The following LINGO2 variants were observed in gnomAD, a reference collection of about 807,000 sequenced individuals.
The protein encoded by LINGO2 is leucine rich repeat and Ig domain containing 2, also known as leucine-rich repeat and immunoglobulin-like domain-containing nogo receptor-interacting protein 2.
LINGO2 carries 14 observed loss-of-function variants against 30.6 expected under a neutral mutation model. That is an observed-to-expected ratio of 0.46 (90% CI 0.30 to 0.72). LINGO2 has a LOEUF of 0.72. Ranked by LOEUF, LINGO2 falls within the 30% of genes least tolerant of loss-of-function variation. The pLI is 0.07. For synonymous variants in LINGO2, 317 were observed against 288.5 expected, an observed-to-expected ratio of 1.10 and a Z score of -1.00; for missense variants, 729 against 751.7, an observed-to-expected ratio of 0.97 and a Z score of 0.35.
chr9:28,497,820 G>T (rs1332938927), intron 1 of LINGO2, among the ~76,000 whole-genome samples: 2 of 152,152 alleles, frequency 1.3e-5, no homozygotes, highest in Admixed American at 1.3e-4. Context: ...TGATGGTGAT[G>T]TACAGATGGG....
the LINGO2 span, among the ~76,000 whole-genome samples, chr9:28,898,529 T>C: frequency 3.3e-5 from 5 of 152,304 alleles, no homozygotes; most frequent in Admixed American, 3.3e-4. Flanking sequence ...CCAGATTTTA[T>C]TTTTTCTATC....
At chr9:28,493,999 T>C (rs1443018500) in intron 1 of LINGO2, among the ~76,000 whole-genome samples, 1 of 152,114 alleles carries the variant, frequency 6.6e-6, no homozygotes, top group African/African-American at 2.4e-5. Flanking sequence ...GTGAGTCAAT[T>C]CTTCTTAATT....
rs1824156894 is a variant in LINGO2, at chr9:28,040,583, GT to G, written c.-86-28179del. Among the ~76,000 whole-genome samples the G allele has an allele frequency of 8.5e-5, 13 of 152,102 alleles. No individual in the cohort carries two copies. The South Asian group carries it at 2.5e-3, about 29-fold the overall frequency. On this transcript the variant is annotated intron_variant, in intron 4 of 5. Coordinates refer to ENST00000379992, the Ensembl canonical transcript of LINGO2. ...AATAGAGATTTATAATAAATCCATT[GT>G]TCCAATACTAACTGAGCGCTATCAA...
At chr9:28,934,795 C>G in the LINGO2 span, among the ~76,000 whole-genome samples, 195 of 152,208 alleles carry the variant, frequency 1.3e-3, 1 homozygote, top group Admixed American at 3.9e-3. Context: ...TCTAAAATTG[C>G]TTCAATTTCC....
chr9:29,066,520 A>G, the LINGO2 span, among the ~76,000 whole-genome samples: 1 of 151,938 alleles, frequency 6.6e-6, no homozygotes, highest in African/African-American at 2.4e-5. Flanking sequence ...GTGGCACCCT[A>G]GAGATAACAG....
At chr9:28,909,199 C>T in the LINGO2 span, among the ~76,000 whole-genome samples, 1 of 151,796 alleles carries the variant, frequency 6.6e-6, no homozygotes, top group South Asian at 2.1e-4. Context: ...CTTTTCACAG[C>T]CAGACATGCA....
chr9:28,737,932 A>T, the LINGO2 span, among the ~76,000 whole-genome samples: 1 of 152,104 alleles, frequency 6.6e-6, no homozygotes, highest in African/African-American at 2.4e-5. Flanking sequence ...TTAATGGACA[A>T]TTGCCGCTAG....
intron 1 of LINGO2, among the ~76,000 whole-genome samples, chr9:28,606,279 A>G (rs1314870914): frequency 6.6e-6 from 1 of 152,032 alleles, no homozygotes; most frequent in Non-Finnish European, 1.5e-5. Context: ...AGCTACTATA[A>G]TACTTTTAAT....
At chr9:28,589,646 A>T (rs1824765055) in intron 1 of LINGO2, among the ~76,000 whole-genome samples, 1 of 152,094 alleles carries the variant, frequency 6.6e-6, no homozygotes, top group Non-Finnish European at 1.5e-5. Flanking sequence ...TCAATGAAAT[A>T]AAAGAGGATA....
At chr9:28,050,381 A>T (rs1320180833) in intron 4 of LINGO2, among the ~76,000 whole-genome samples, 1 of 150,766 alleles carries the variant, frequency 6.6e-6, no homozygotes, top group South Asian at 2.1e-4. Flanking sequence ...AAAATATTTA[A>T]TATCTAATCA....
At chr9:28,341,360 T>C (rs1022227298) in intron 3 of LINGO2, among the ~76,000 whole-genome samples, 2 of 152,184 alleles carry the variant, frequency 1.3e-5, no homozygotes, top group Admixed American at 6.5e-5. Flanking sequence ...TGTTATATTA[T>C]GTTTTACTAT....
At chr9:28,144,372 G>C (rs1827756090) in intron 4 of LINGO2, among the ~76,000 whole-genome samples, 1 of 152,082 alleles carries the variant, frequency 6.6e-6, no homozygotes, top group African/African-American at 2.4e-5. Context: ...AAATTACCAA[G>C]ATCTATACTA....
the LINGO2 span, among the ~76,000 whole-genome samples, chr9:29,075,948 G>A: frequency 6.6e-6 from 1 of 151,976 alleles, no homozygotes; most frequent in Non-Finnish European, 1.5e-5. Flanking sequence ...ATGCAATGGT[G>A]CAATCAACAG....
chr9:28,174,662 T>C (rs937757134), intron 4 of LINGO2, among the ~76,000 whole-genome samples: 1 of 152,218 alleles, frequency 6.6e-6, no homozygotes, highest in African/African-American at 2.4e-5. Flanking sequence ...CATTGTACCC[T>C]GTACTACCAT....
chr9:29,088,079 T>C, the LINGO2 span, among the ~76,000 whole-genome samples: 1 of 152,160 alleles, frequency 6.6e-6, no homozygotes, highest in African/African-American at 2.4e-5. Context: ...CTATGTCAAA[T>C]GGTTGCTGTG....
At chr9:28,552,360 A>C (rs1306767949) in intron 1 of LINGO2, among the ~76,000 whole-genome samples, 1 of 152,216 alleles carries the variant, frequency 6.6e-6, no homozygotes, top group East Asian at 1.9e-4. Context: ...GGGAGATAAA[A>C]GTCTTAAATA....
chr9:28,903,388 C>G, the LINGO2 span, among the ~76,000 whole-genome samples: 1 of 152,156 alleles, frequency 6.6e-6, no homozygotes, highest in Non-Finnish European at 1.5e-5. Context: ...AATACAAAGT[C>G]TTCCATCATA....
the LINGO2 span, among the ~76,000 whole-genome samples, chr9:29,157,893 T>C: frequency 0.21 from 31,366 of 152,030 alleles, 3,519 homozygotes; most frequent in East Asian, 0.37. Flanking sequence ...CCTACAATAA[T>C]ATACTATGTT....
rs148814599 is a variant in LINGO2 at position 28,016,099 on chromosome 9, T to G, written c.-86-3694A>C. 5.8e-3 allele frequency among the ~76,000 whole-genome samples: 886 copies of G among 152,248 alleles called. 4 individuals carry two copies. Among genetic ancestry groups the G allele is most frequent in the Middle Eastern group, 0.041 (12 of 294 alleles). ...TGGAGAAGTGGCATTTGATCCTGAT[T>G]TTGTGACCAATGACCTGCATTTCCT... is the stretch of plus-strand genomic sequence containing the variant. On this transcript the variant is annotated intron_variant, in intron 4 of 5. Transcript: ENST00000379992.
Sources: gnomAD v4.1 joint callset for allele counts (sites outside exome capture counted in the v4.1 genomes callset) on GRCh38, gnomAD v4.1.1 for gene constraint, MANE v1.5 for transcripts, NCBI Gene and HGNC (gene_info 2026-07-23, HGNC 2026-07-21) for gene names.